Variants in MARCHF5 observed in about 807,000 individuals in gnomAD.
MARCHF5 encodes the protein E3 ubiquitin-protein ligase MARCHF5.
Under a neutral mutation model 36.5 loss-of-function variants are expected in MARCHF5, and 5 were observed. The observed-to-expected ratio is 0.14, with a 90% confidence interval of 0.07 to 0.29. The LOEUF (loss-of-function observed/expected upper bound fraction) is 0.29. MARCHF5 is among the 10% of genes least tolerant of loss of function. The pLI is 1.00. For missense variants in MARCHF5, 179 were observed against 336.3 expected (o/e 0.53, Z 3.66); for synonymous variants, 103 against 109.9 (o/e 0.94, Z 0.39).
chr10:92,296,602 T>C (rs1467909484), intron 1 of MARCHF5, among the ~76,000 whole-genome samples: 1 of 152,212 alleles, frequency 6.6e-6, no homozygotes, highest in East Asian at 1.9e-4. Context: ...AGAAATGCTT[T>C]TGGAAACTAC....
chr10:92,342,697 T>A (rs1231343988), intron 3 of MARCHF5, among the ~76,000 whole-genome samples: 1 of 152,202 alleles, frequency 6.6e-6, no homozygotes, highest in African/African-American at 2.4e-5. Flanking sequence ...CAGCTTAACA[T>A]CTCCATTGCC....
Position 92,335,688 on chromosome 10 carries a change from C to T in MARCHF5, c.239-4985C>T, listed in dbSNP as rs929614413. 3.3e-5 allele frequency among the ~76,000 whole-genome samples: 5 copies of T among 151,956 alleles called. No individual in the cohort carries two copies. In the South Asian group the frequency reaches 6.2e-4, roughly 19 times the overall value. ...AATTTCCAAAGAGGAAATATGAAGA[C>T]TTTTTTTTCTTATTCAAAAGAATTC... On this transcript the variant is annotated intron_variant, in intron 2 of 5. Coordinates refer to ENST00000358935, the MANE Select transcript of MARCHF5 (RefSeq NM_017824.5).
intron 1 of MARCHF5, among the ~76,000 whole-genome samples, chr10:92,306,159 C>T (rs575278500): frequency 6.6e-6 from 1 of 152,340 alleles, no homozygotes; most frequent in South Asian, 2.1e-4. Context: ...TTTCCACCTT[C>T]ACTTCTTCTG....
intron 1 of MARCHF5, among the ~76,000 whole-genome samples, chr10:92,301,833 C>A (rs560340618): frequency 8.5e-5 from 13 of 152,060 alleles, no homozygotes; most frequent in Non-Finnish European, 1.8e-4. Flanking sequence ...CTGAGGCAGG[C>A]GGATCATCTG....
chr10:92,307,704 ATC>A (rs893253359), intron 1 of MARCHF5, among the ~76,000 whole-genome samples: 1 of 151,958 alleles, frequency 6.6e-6, no homozygotes, highest in Non-Finnish European at 1.5e-5. Context: ...GTGAAACCCT[ATC>A]TCTACTAAAA....
chr10:92,349,174 A>G (rs530355947), intron 3 of MARCHF5, among the ~76,000 whole-genome samples, 175 bp from the exon 4 acceptor site: 1 of 152,298 alleles, frequency 6.6e-6, no homozygotes. Context: ...TTTCCCTTGA[A>G]TGAGACATTT....
chr10:92,341,222 G>A (rs1412680688), intron 3 of MARCHF5, among the ~76,000 whole-genome samples: 1 of 152,100 alleles, frequency 6.6e-6, no homozygotes, highest in Non-Finnish European at 1.5e-5. Context: ...GGCAAACATG[G>A]TGAAACCCCA....
intron 1 of MARCHF5, among the ~76,000 whole-genome samples, chr10:92,307,805 C>T (rs1453759272): frequency 1.3e-5 from 2 of 152,006 alleles, no homozygotes; most frequent in African/African-American, 4.8e-5. Context: ...AACCGGGAGG[C>T]GGAGGTTGCA....
intron 2 of MARCHF5, among the ~76,000 whole-genome samples, chr10:92,319,659 TTG>T (rs1256376504): frequency 2.1e-4 from 17 of 79,604 alleles, no homozygotes; most frequent in Non-Finnish European, 3.5e-4. Flanking sequence ...TTTTTGTTTT[TTG>T]TTTTTTTTTC....
intron 2 of MARCHF5, among the ~76,000 whole-genome samples, chr10:92,318,602 G>A (rs773719167): frequency 1.3e-5 from 2 of 151,402 alleles, no homozygotes; most frequent in African/African-American, 2.4e-5. Flanking sequence ...GTGCACCTGG[G>A]GTCGCAGCTA....
At chr10:92,321,700 AT>A (rs1336301003) in intron 2 of MARCHF5, among the ~76,000 whole-genome samples, 4 of 152,034 alleles carry the variant, frequency 2.6e-5, no homozygotes, top group African/African-American at 9.7e-5. Context: ...AAATGTTTTA[AT>A]TACTAATTCA....
At chr10:92,298,572 ATTTG>A (rs966320325) in intron 1 of MARCHF5, among the ~76,000 whole-genome samples, 3 of 152,092 alleles carry the variant, frequency 2.0e-5, no homozygotes, top group African/African-American at 4.8e-5. Flanking sequence ...CATAAATTTT[ATTTG>A]TTTGTTTGTT....
chr10:92,297,826 TA>T (rs1842966190), intron 1 of MARCHF5, among the ~76,000 whole-genome samples: 1 of 152,168 alleles, frequency 6.6e-6, no homozygotes. Context: ...TTATGACATT[TA>T]GATTCTTATT....
chr10:92,293,356 A>G (rs956947590), intron 1 of MARCHF5, among the ~76,000 whole-genome samples: 1 of 152,076 alleles, frequency 6.6e-6, no homozygotes, highest in Non-Finnish European at 1.5e-5. Context: ...CCTCCCGCCT[A>G]GCCTCCCAAA....
At chr10:92,325,622 C>T (rs936074838) in intron 2 of MARCHF5, among the ~76,000 whole-genome samples, 1 of 152,156 alleles carries the variant, frequency 6.6e-6, no homozygotes, top group Non-Finnish European at 1.5e-5. Flanking sequence ...TCTTATATCT[C>T]ATTAAGAGTA....
Position 92,351,151 on chromosome 10 carries a change from T to G in MARCHF5, c.781T>G (p.Tyr261Asp). Residue 261 changes from tyrosine (Y) to aspartate (D), a missense_variant, in exon 6 of 6, where the codon TAT becomes GAT. Physicochemically the swap from Tyr to Asp is radical, Grantham distance 160. This residue lies in a region of MARCHF5 where 95 missense variants were observed against 139.5 expected (regional missense o/e 0.68). Coordinates refer to ENST00000358935, the MANE Select transcript of MARCHF5 (RefSeq NM_017824.5). ...AFKVYFKQQQ[Y>D]LRQAHRKILN... is the part of the protein sequence containing the mutation. The stretch of plus-strand genomic sequence containing the variant: ...TAAAGTTTACTTCAAACAGCAGCAA[T>G]ATTTACGACAGGCACACCGCAAAAT... The G allele has an allele frequency of 6.2e-7, 1 of 1,613,754 alleles. No individual in the cohort carries two copies. The highest frequency in any genetic ancestry group is 8.5e-7 in the Non-Finnish European group (1 of 1,179,832).
At chr10:92,334,107 T>A (rs1221446791) in intron 2 of MARCHF5, among the ~76,000 whole-genome samples, 1 of 152,178 alleles carries the variant, frequency 6.6e-6, no homozygotes, top group Non-Finnish European at 1.5e-5. Context: ...GGAGAATCGC[T>A]TGAACCCGGG....
Position 92,351,316 on chromosome 10 carries a change from A to G in MARCHF5, c.*109A>G, listed in dbSNP as rs188632165. 2.4e-5 allele frequency: 16 copies of G among 655,194 alleles called. No homozygotes were observed. The highest frequency in any genetic ancestry group is 1.3e-4 in the African/African-American group (7 of 53,320). 40.6% of individuals were successfully genotyped at this position (655,194 alleles called of 1,614,324 possible). A position where few individuals can be genotyped will look rare whatever the true frequency, so the allele number is the denominator to read the frequency against. On this transcript the variant is annotated 3_prime_UTR_variant, in exon 6 of 6. Transcript: ENST00000358935. ...AGACTTGTGATAAGCTGCTGCTCCT[A>G]TATTTTTTAAGAAATATAATAAAGC... is the stretch of plus-strand genomic sequence containing the variant.
At chr10:92,316,703 C>T (rs777482258) in intron 2 of MARCHF5, among the ~76,000 whole-genome samples, 1 of 151,756 alleles carries the variant, frequency 6.6e-6, no homozygotes. Flanking sequence ...GATGGGGTTA[C>T]AGGCACGTGC....
Sources: allele counts gnomAD v4.1 joint callset (sites outside exome capture counted in the v4.1 genomes callset), GRCh38; gene constraint gnomAD v4.1.1; regional missense constraint gnomAD v4.1.1; transcripts MANE v1.5; gene names NCBI Gene and HGNC (gene_info 2026-07-23, HGNC 2026-07-21).